Variants in ADAMTS12 observed in about 807,000 individuals in gnomAD.
ADAMTS12 encodes the protein ADAM metallopeptidase with thrombospondin type 1 motif 12.
In ADAMTS12, 118 loss-of-function variants were observed where a neutral mutation model predicts 167.8. The observed-to-expected ratio is 0.70, with a 90% CI of 0.61 to 0.82. The LOEUF (loss-of-function observed/expected upper bound fraction) is 0.82, where lower values mean the gene tolerates loss of function less well. Ranked by LOEUF, ADAMTS12 falls within the 40% of genes least tolerant of loss-of-function variation. The pLI, the probability that ADAMTS12 is intolerant of heterozygous loss-of-function variation, is 0.00. For synonymous variants in ADAMTS12, 704 were observed against 716.9 expected (o/e 0.98, Z 0.29); for missense variants, 1,916 against 1,998.8 (o/e 0.96, Z 0.79).
intron 5 of ADAMTS12, among the ~76,000 whole-genome samples, chr5:33,663,849 A>G: frequency 6.6e-6 from 1 of 152,334 alleles, no homozygotes; most frequent in Middle Eastern, 3.4e-3. Flanking sequence ...GAGGTCTCTT[A>G]GAGAACACTC....
chr5:33,624,481 G>T, intron 13 of ADAMTS12, 130 bp from the exon 14 acceptor site: 1 of 1,318,586 alleles, frequency 7.6e-7, no homozygotes, highest in Non-Finnish European at 1.0e-6. Context: ...AAGGACAAAT[G>T]TTTGTTCCTG....
rs1745488444 is a variant in ADAMTS12, at chr5:33,765,173, T to G, written c.490-13625A>C. The stretch of plus-strand genomic sequence containing the variant: ...CCACCCTTAGATTCAACAAGTATTT[T>G]GCCACCTTTGATTTCTAATATATAT... On this transcript the variant is annotated intron_variant, in intron 2 of 23. Coordinates refer to ENST00000504830, the MANE Select transcript of ADAMTS12 (RefSeq NM_030955.4). Among the ~76,000 whole-genome samples, 4 of 152,342 alleles carry G rather than the reference T, an allele frequency of 2.6e-5. No homozygotes were observed. The South Asian group carries it at 8.3e-4, about 32-fold the overall frequency.
chr5:33,866,486 T>C (rs187060759), intron 2 of ADAMTS12, among the ~76,000 whole-genome samples: 91 of 152,172 alleles, frequency 6.0e-4, no homozygotes, highest in South Asian at 1.2e-3. Context: ...CCTGAAACCA[T>C]AAAAGCTGTA....
At chr5:33,793,082 C>T (rs1746638362) in intron 2 of ADAMTS12, among the ~76,000 whole-genome samples, 1 of 152,246 alleles carries the variant, frequency 6.6e-6, no homozygotes, top group Admixed American at 6.5e-5. Context: ...ACTGGGGTTT[C>T]ATCTGCCTCA....
chr5:33,765,685 A>G (rs112203176), intron 2 of ADAMTS12, among the ~76,000 whole-genome samples: 1,610 of 152,306 alleles, frequency 0.011, 27 homozygotes, highest in African/African-American at 0.038. Context: ...AGCAGAGCAC[A>G]AAGGTATAAC....
chr5:33,728,083 C>T (rs556001148), intron 3 of ADAMTS12, among the ~76,000 whole-genome samples: 2 of 152,248 alleles, frequency 1.3e-5, no homozygotes, highest in Admixed American at 1.3e-4. Flanking sequence ...TGGAGTGTCC[C>T]TGAAATGCAC....
At chr5:33,843,758 A>G (rs1281461408) in intron 2 of ADAMTS12, among the ~76,000 whole-genome samples, 1 of 152,216 alleles carries the variant, frequency 6.6e-6, no homozygotes, top group African/African-American at 2.4e-5. Flanking sequence ...ATGGTTTTGG[A>G]TCTGATAAGC....
At position 33,523,864 on chromosome 5, in the gene ADAMTS12, C is replaced by T. The variant is rs1263565440; in HGVS notation, c.*3324G>A. ...CACCAGGCAGTTCATGTCATGTGGC[C>T]TCTCCTTCAAAAGTGAATCACTGTG... On this transcript the variant is annotated 3_prime_UTR_variant, in exon 24 of 24. Coordinates refer to ENST00000504830, the MANE Select transcript of ADAMTS12 (RefSeq NM_030955.4). The T allele has an allele frequency of 1.3e-5, 2 of 152,148 alleles. No individual in the cohort carries two copies. The highest frequency in any genetic ancestry group is 4.8e-5 in the African/African-American group (2 of 41,412). 9.4% of individuals were successfully genotyped at this position (152,148 alleles called of 1,614,324 possible).
At chr5:33,532,542 C>G (rs1744169863) in intron 23 of ADAMTS12, among the ~76,000 whole-genome samples, 1 of 149,152 alleles carries the variant, frequency 6.7e-6, no homozygotes, top group African/African-American at 2.5e-5. Flanking sequence ...AACAACAAAA[C>G]AACCCCAGGA....
intron 2 of ADAMTS12, among the ~76,000 whole-genome samples, chr5:33,784,308 T>C (rs1206432756): frequency 6.6e-6 from 1 of 151,814 alleles, no homozygotes; most frequent in Non-Finnish European, 1.5e-5. Context: ...GGCAAATATG[T>C]CCCCTCTCAC....
chr5:33,677,837 C>T (rs73758973), intron 5 of ADAMTS12, among the ~76,000 whole-genome samples: 1,591 of 152,238 alleles, frequency 0.01, 31 homozygotes, highest in African/African-American at 0.037. Flanking sequence ...ATGACTATCT[C>T]GCCTATGAGA....
intron 3 of ADAMTS12, among the ~76,000 whole-genome samples, chr5:33,744,767 T>C (rs989358683): frequency 6.6e-6 from 1 of 152,210 alleles, no homozygotes; most frequent in African/African-American, 2.4e-5. Context: ...ACTTGCCACA[T>C]AGAGCTTTGA....
intron 3 of ADAMTS12, among the ~76,000 whole-genome samples, chr5:33,724,737 G>A (rs1024668466): frequency 6.6e-6 from 1 of 151,634 alleles, no homozygotes; most frequent in African/African-American, 2.4e-5. Flanking sequence ...ATTTTTAGTA[G>A]AGACGGGGTT....
intron 11 of ADAMTS12, among the ~76,000 whole-genome samples, chr5:33,638,750 G>T (rs1273037182): frequency 6.6e-6 from 1 of 152,112 alleles, no homozygotes; most frequent in African/African-American, 2.4e-5. Flanking sequence ...AGTACTTTGG[G>T]CATAGGAGGC....
In ADAMTS12 at chr5:33,751,546, A is replaced by G. The variant is rs200900597; in HGVS notation, c.492T>C (p.Thr164=). 1.9e-6 allele frequency: 3 copies of G among 1,613,704 alleles called. No homozygotes were observed. In the African/African-American group the frequency reaches 4.0e-5, roughly 22 times the overall value. ...CTCCATGTGGTAGTTGGAAAAATCCAGTCTGTAAATACATTCAGTAAGAAA... is the reference window on the plus strand; with the variant it reads ...CTCCATGTGGTAGTTGGAAAAATCCGGTCTGTAAATACATTCAGTAAGAAA... ...TAALSACHGL[T]GFFQLPHGDF... The change falls in exon 3 of 24, where the codon ACT becomes ACC. Residue 164 remains threonine, a splice_region_variant and synonymous_variant. Transcript: ENST00000504830.
chr5:33,710,440 C>A (rs569393385), intron 3 of ADAMTS12, among the ~76,000 whole-genome samples: 2 of 152,264 alleles, frequency 1.3e-5, no homozygotes, highest in African/African-American at 4.8e-5. Context: ...AGGTTCACCA[C>A]GTCTCCATTT....
rs1746747068 is a variant in ADAMTS12 at position 33,576,725 on chromosome 5, G to A, written c.3301C>T (p.Pro1101Ser). The A allele has an allele frequency of 3.1e-6, 5 of 1,614,108 alleles. No homozygotes were observed. Among genetic ancestry groups the A allele is most frequent in the Non-Finnish European group, 4.2e-6 (5 of 1,180,046 alleles). ...GAACTGGAAACATTTTCCTCACTTG[G>A]CTGAATGCTCAAGGATTGGGAAGTG... ...ILTSQSLSIQPSEENVSSSDT... is the reference protein window; with the variant it reads ...ILTSQSLSIQSSEENVSSSDT... Residue 1101 changes from proline (P) to serine (S), a missense_variant, in exon 19 of 24, where the codon CCA becomes TCA. Coordinates refer to ENST00000504830, the MANE Select transcript of ADAMTS12 (RefSeq NM_030955.4).
At chr5:33,794,051 C>T (rs1746679843) in intron 2 of ADAMTS12, among the ~76,000 whole-genome samples, 1 of 152,188 alleles carries the variant, frequency 6.6e-6, no homozygotes, top group African/African-American at 2.4e-5. Flanking sequence ...CTGTGGTGCC[C>T]AGCGGGAATG....
At chr5:33,819,353 C>T (rs1747786745) in intron 2 of ADAMTS12, among the ~76,000 whole-genome samples, 1 of 151,806 alleles carries the variant, frequency 6.6e-6, no homozygotes, top group African/African-American at 2.4e-5. Flanking sequence ...TCATTGTGTC[C>T]TCTTGATGCC....
Sources: gnomAD v4.1 joint callset for allele counts (sites outside exome capture counted in the v4.1 genomes callset) on GRCh38, gnomAD v4.1.1 for gene constraint, MANE v1.5 for transcripts, NCBI Gene and HGNC (gene_info 2026-07-23, HGNC 2026-07-21) for gene names.